NPHP4: variants seen among roughly 807,000 people sequenced by gnomAD.
NPHP4 encodes nephrocystin-4.
Under a neutral mutation model 155.8 loss-of-function variants are expected in NPHP4, and 151 were observed. That is an observed-to-expected ratio of 0.97 (90% CI 0.85 to 1.11). The LOEUF is 1.11. Ranked by LOEUF, NPHP4 falls within the 50% of genes least tolerant of loss-of-function variation. NPHP4 has a pLI of 0.00. For synonymous variants in NPHP4, 845 were observed against 816.8 expected, an observed-to-expected ratio of 1.03 and a Z score of -0.59; for missense variants, 1,956 against 1,925.7, an observed-to-expected ratio of 1.02 and a Z score of -0.29.
intron 9 of NPHP4, among the ~76,000 whole-genome samples, chr1:5,945,383 G>C (rs1647038160): frequency 6.6e-6 from 1 of 151,380 alleles, no homozygotes; most frequent in Non-Finnish European, 1.5e-5. Flanking sequence ...CTGTATTTTA[G>C]CTGAAATTTC....
At chr1:5,888,814 C>A (rs1036994224) in intron 17 of NPHP4, among the ~76,000 whole-genome samples, 38 of 152,188 alleles carry the variant, frequency 2.5e-4, no homozygotes, top group African/African-American at 8.4e-4. Context: ...CCTGGCTGAG[C>A]CTTCGGGCCA....
At chr1:5,992,074 G>T (rs1012754908) in intron 1 of NPHP4, among the ~76,000 whole-genome samples, 170 bp downstream of exon 1, 14 of 150,974 alleles carry the variant, frequency 9.3e-5, no homozygotes, top group South Asian at 4.1e-4. Flanking sequence ...CCCGCCGCGC[G>T]CCACCGCCGC....
chr1:5,867,249 G>A lies in NPHP4; in HGVS notation c.3473-134C>T, dbSNP rs1641336563. ...CAGCAAGACACCTGCTGGGGAAACG[G>A]ACGCCGCCACCTTTCCCAGGACAGC... On this transcript the variant is annotated intron_variant, in intron 24 of 29. Transcript: ENST00000378156. This position sits in a 1 kb window ranked among gnomAD's most constrained non-coding sequence, Gnocchi z 4.1. 3.0e-6 allele frequency: 2 copies of A among 656,966 alleles called. No individual in the cohort carries two copies. Among genetic ancestry groups the A allele is most frequent in the Non-Finnish European group, 5.3e-6 (2 of 377,104 alleles). The allele number at this position is 656,966 out of a possible 1,614,324, so 40.7% of individuals were successfully genotyped here.
chr1:5,942,111 T>C (rs371634587), intron 9 of NPHP4, among the ~76,000 whole-genome samples: 6 of 152,272 alleles, frequency 3.9e-5, no homozygotes, highest in African/African-American at 1.4e-4. Flanking sequence ...CACATGCACG[T>C]CTGGATGTGG....
chr1:5,919,402 C>T (rs1645627456), intron 11 of NPHP4, among the ~76,000 whole-genome samples: 1 of 152,208 alleles, frequency 6.6e-6, no homozygotes, highest in South Asian at 2.1e-4. Flanking sequence ...GCTACCCTCA[C>T]TAACATCCCA....
At chr1:5,979,978 T>C (rs1040756890) in intron 2 of NPHP4, among the ~76,000 whole-genome samples, 4 of 152,030 alleles carry the variant, frequency 2.6e-5, no homozygotes, top group Non-Finnish European at 5.9e-5. Flanking sequence ...CATGCCCCAC[T>C]ACCTCTGTCT....
At chr1:5,956,060 G>C (rs71571878) in intron 6 of NPHP4, among the ~76,000 whole-genome samples, 593 of 12,758 alleles carry the variant, frequency 0.046, 13 homozygotes, top group African/African-American at 0.07. Context: ...TCAAAAAGCT[G>C]GGGGGGGGGG....
Position 5,874,452 on chromosome 1 carries a change from G to A in NPHP4, c.3231+19C>T, listed in dbSNP as rs773830689. ...GTCATCAGCCAAATGCAACTTCCCTGTGTGCCTGACACCCGCACCTGCACC... is the reference window on the plus strand; with the variant it reads ...GTCATCAGCCAAATGCAACTTCCCTATGTGCCTGACACCCGCACCTGCACC... On this transcript the variant is annotated intron_variant, in intron 22 of 29. Coordinates refer to ENST00000378156, the MANE Select transcript of NPHP4 (RefSeq NM_015102.5). The A allele has an allele frequency of 5.3e-6, 8 of 1,503,960 alleles. 1 individual carries two copies. In the South Asian group the frequency reaches 9.0e-5, roughly 17 times the overall value. 93.2% of individuals were successfully genotyped at this position (1,503,960 alleles called of 1,614,324 possible). A position where few individuals can be genotyped will look rare whatever the true frequency, so the allele number is the denominator to read the frequency against.
intron 2 of NPHP4, among the ~76,000 whole-genome samples, chr1:5,979,052 G>C (rs1267889159): frequency 6.7e-6 from 1 of 148,314 alleles, no homozygotes; most frequent in African/African-American, 2.6e-5. Flanking sequence ...CCTGCCCAGA[G>C]CGGCAGCCAG....
chr1:5,869,123 G>A (rs565492084), intron 23 of NPHP4, among the ~76,000 whole-genome samples: 22 of 90,116 alleles, frequency 2.4e-4, no homozygotes, highest in East Asian at 9.5e-4. Flanking sequence ...ATGCACACAC[G>A]CACAATGCAC....
At chr1:5,945,674 A>T (rs942608187) in intron 9 of NPHP4, among the ~76,000 whole-genome samples, 1 of 152,166 alleles carries the variant, frequency 6.6e-6, no homozygotes, top group Admixed American at 6.5e-5. Context: ...TTCCTGAGAG[A>T]GCGGCCCAGT....
chr1:5,898,809 C>T (rs144691908), intron 16 of NPHP4, among the ~76,000 whole-genome samples: 17 of 152,114 alleles, frequency 1.1e-4, no homozygotes, highest in African/African-American at 3.1e-4. Context: ...TGACGGGATA[C>T]GGAAAGAATG....
At position 5,910,703 on chromosome 1, in the gene NPHP4, G is replaced by A. The variant is rs964042254; in HGVS notation, c.1442-1490C>T. Among the ~76,000 whole-genome samples the A allele has an allele frequency of 3.9e-5, 6 of 152,178 alleles. No individual in the cohort carries two copies. The highest frequency in any genetic ancestry group is 4.1e-4 in the South Asian group (2 of 4,824). On this transcript the variant is annotated intron_variant, in intron 11 of 29. Coordinates refer to ENST00000378156, the MANE Select transcript of NPHP4 (RefSeq NM_015102.5). This position sits in a 1 kb window ranked among gnomAD's most constrained non-coding sequence, Gnocchi z 5.4. Reference sequence around the variant, plus strand: ...CAAAAACAACAAGGAAAATGCTGTCGACCAAGGAGAAACCAAATCCAGAAA... The same window carrying A: ...CAAAAACAACAAGGAAAATGCTGTCAACCAAGGAGAAACCAAATCCAGAAA...
intron 19 of NPHP4, among the ~76,000 whole-genome samples, chr1:5,878,481 A>G (rs1642854180): frequency 6.6e-6 from 1 of 152,266 alleles, no homozygotes; most frequent in Non-Finnish European, 1.5e-5. Flanking sequence ...TCACCCCAAC[A>G]AATACCTCTC....
chr1:5,927,904 C>T (rs1474284099), intron 10 of NPHP4, 117 bp from the exon 11 acceptor site: 3 of 1,038,158 alleles, frequency 2.9e-6, no homozygotes, highest in African/African-American at 3.2e-5. Flanking sequence ...AAATCAGAGG[C>T]TTCTTGATGC....
chr1:5,865,755 T>C (rs1298961030), intron 26 of NPHP4: 1 of 164,080 alleles, frequency 6.1e-6, no homozygotes, highest in Non-Finnish European at 1.3e-5. Flanking sequence ...CAAATGGGGC[T>C]GGGTGAGGCA....
rs1036618382 is a variant in NPHP4 at position 5,975,800 on chromosome 1, T to G, written c.279+2470A>C. Among the ~76,000 whole-genome samples the G allele has an allele frequency of 3.9e-5, 6 of 152,058 alleles. No individual in the cohort carries two copies. The South Asian group carries it at 1.3e-3, about 32-fold the overall frequency. Reference sequence around the variant, plus strand: ...TCCGCCGCAACGGAAGCCCTCGGAGTGCATGAACATAATCCCGAGAAGGGC... The same window carrying G: ...TCCGCCGCAACGGAAGCCCTCGGAGGGCATGAACATAATCCCGAGAAGGGC... On this transcript the variant is annotated intron_variant, in intron 3 of 29. Transcript: ENST00000378156.
At chr1:5,866,706 G>A (rs1641269592) in intron 25 of NPHP4, among the ~76,000 whole-genome samples, 1 of 152,148 alleles carries the variant, frequency 6.6e-6, no homozygotes, top group Non-Finnish European at 1.5e-5. Context: ...TTCCTAACTG[G>A]TCATAACACA....
intron 18 of NPHP4, among the ~76,000 whole-genome samples, chr1:5,884,293 T>C (rs1469241152): frequency 6.6e-6 from 1 of 152,188 alleles, no homozygotes; most frequent in Non-Finnish European, 1.5e-5. Flanking sequence ...CCTGGCCATC[T>C]GTCAGAACCC....
Sources: allele counts gnomAD v4.1 joint callset (sites outside exome capture counted in the v4.1 genomes callset), GRCh38; gene constraint gnomAD v4.1.1; non-coding constraint Gnocchi (gnomAD v3.1); transcripts MANE v1.5; gene names NCBI Gene and HGNC (gene_info 2026-07-23, HGNC 2026-07-21).